WNT7B: variants seen among roughly 807,000 people sequenced by gnomAD.
WNT7B encodes protein Wnt-7b.
WNT7B carries 19 observed loss-of-function variants against 38.2 expected under a neutral mutation model. The observed-to-expected ratio is 0.50, with a 90% confidence interval of 0.35 to 0.73. The LOEUF is 0.73. Among genes scored for constraint, WNT7B ranks in the 30% least tolerant of loss-of-function variants. WNT7B has a pLI of 0.01. For synonymous variants in WNT7B, 243 were observed against 209.3 expected (o/e 1.16, Z -1.39); for missense variants, 423 against 507.9 (o/e 0.83, Z 1.61).
rs140863202 is a variant in WNT7B, at chr22:45,950,050, G to A, written c.168C>T (p.Pro56=). ...PRQRAICQSR[P]DAIIVIGEGA... The stretch of plus-strand genomic sequence containing the variant: ...CCTCCCCAATCACAATGATGGCATC[G>A]GGCCGACTCTGGCAGATGGCACGCT... The change falls in exon 2 of 4, where the codon CCC becomes CCT. Residue 56 remains proline (P), a synonymous_variant. Coordinates refer to ENST00000339464, the MANE Select transcript of WNT7B (RefSeq NM_058238.3). 722 of 1,614,018 alleles carry A rather than the reference G, an allele frequency of 4.5e-4. 2 individuals are homozygous for A. In the African/African-American group the frequency reaches 8.4e-3, roughly 19 times the overall value.
At chr22:45,946,144 C>T (rs1452218711) in intron 2 of WNT7B, among the ~76,000 whole-genome samples, 1 of 152,164 alleles carries the variant, frequency 6.6e-6, no homozygotes. Flanking sequence ...ATCTCCTATG[C>T]CTTCTGGACC....
chr22:45,972,363 C>A, intron 1 of WNT7B: 1 of 342,526 alleles, frequency 2.9e-6, no homozygotes, highest in Non-Finnish European at 5.2e-6. Context: ...GGGGCCGGGT[C>A]TCGTGGGCCC....
Position 45,951,602 on chromosome 22 carries a change from C to T in WNT7B, c.72-1456G>A, listed in dbSNP as rs1488234833. Among the ~76,000 whole-genome samples, 1 of 152,220 alleles carries T rather than the reference C, an allele frequency of 6.6e-6. No individual in the cohort carries two copies. Among genetic ancestry groups the T allele is most frequent in the African/African-American group, 2.4e-5 (1 of 41,454 alleles). The stretch of plus-strand genomic sequence containing the variant: ...TCTGCTTTCTGTTCCCATGGATTTG[C>T]CCATTCTGGATGTTTCCTATGGATG... On this transcript the variant is annotated intron_variant, in intron 1 of 3. Transcript: ENST00000339464. This position sits in a 1 kb window ranked among gnomAD's most constrained non-coding sequence, Gnocchi z 4.8.
At position 45,975,038 on chromosome 22, in the gene WNT7B, G is replaced by A. The variant is rs761278425; in HGVS notation, c.71+1646C>T. Among the ~76,000 whole-genome samples the A allele has an allele frequency of 1.3e-5, 2 of 152,144 alleles. No homozygotes were observed. Among genetic ancestry groups the A allele is most frequent in the Non-Finnish European group, 2.9e-5 (2 of 68,012 alleles). ...CGATGACTGAGGCAGAAGAATGGACGCTAGGAACAGCAGCCCACAGTGGGG... is the reference window on the plus strand; with the variant it reads ...CGATGACTGAGGCAGAAGAATGGACACTAGGAACAGCAGCCCACAGTGGGG... On this transcript the variant is annotated intron_variant, in intron 1 of 3. Coordinates refer to ENST00000339464, the MANE Select transcript of WNT7B (RefSeq NM_058238.3). This position sits in a 1 kb window ranked among gnomAD's most constrained non-coding sequence, Gnocchi z 6.6.
chr22:45,926,913 C>A (rs898575186), intron 3 of WNT7B: 13 of 985,462 alleles, frequency 1.3e-5, no homozygotes, highest in Non-Finnish European at 1.6e-5. Context: ...CCCAGCAGGA[C>A]GCTGTGGACC....
intron 2 of WNT7B, among the ~76,000 whole-genome samples, chr22:45,939,671 A>ACACACACACACACACACACAC (rs56044141): frequency 1.3e-5 from 2 of 151,486 alleles, no homozygotes; most frequent in African/African-American, 4.9e-5. Context: ...ACACACACAC[A>ACACACACACACACACACACAC]AAAATAGCCA....
rs781677556 is a variant in WNT7B at position 45,976,790 on chromosome 22, G to T, written c.-36C>A. 12 of 1,578,284 alleles carry T rather than the reference G, an allele frequency of 7.6e-6. No homozygotes were observed. The African/African-American group carries it at 1.1e-4, about 14-fold the overall frequency. ...GGGGGGCTGCGCCATAGACAGCGGCGGCCGGAGGGGACGCGCGGGCCCGGC... is the reference window on the plus strand; with the variant it reads ...GGGGGGCTGCGCCATAGACAGCGGCTGCCGGAGGGGACGCGCGGGCCCGGC... On this transcript the variant is annotated 5_prime_UTR_variant, in exon 1 of 4. Coordinates refer to ENST00000339464, the MANE Select transcript of WNT7B (RefSeq NM_058238.3). This position sits in a 1 kb window ranked among gnomAD's most constrained non-coding sequence, Gnocchi z 8.5.
intron 2 of WNT7B, among the ~76,000 whole-genome samples, chr22:45,932,924 G>A (rs1931412150): frequency 6.6e-6 from 1 of 152,242 alleles, no homozygotes; most frequent in East Asian, 1.9e-4. Context: ...TTGGGGCTGA[G>A]GTGACAGCCC....
chr22:45,972,409 C>T (rs954177429), intron 1 of WNT7B: 3 of 272,754 alleles, frequency 1.1e-5, no homozygotes, highest in East Asian at 6.5e-5. Flanking sequence ...CCGCTAGGGC[C>T]GCGCATGGCG....
chr22:45,948,976 G>A (rs1471405927), intron 2 of WNT7B, among the ~76,000 whole-genome samples: 1 of 151,740 alleles, frequency 6.6e-6, no homozygotes, highest in Non-Finnish European at 1.5e-5. Flanking sequence ...AGCCTCCCAA[G>A]TAGCTGGGAT....
chr22:45,931,462 T>G, intron 2 of WNT7B, 93 bp from the exon 3 acceptor site: 1 of 1,396,006 alleles, frequency 7.2e-7, no homozygotes, highest in Non-Finnish European at 9.5e-7. Context: ...CCACCTGCTG[T>G]TGGCTGGTTG....
At chr22:45,924,157 A>G (rs574436648) in intron 3 of WNT7B, among the ~76,000 whole-genome samples, 180 of 152,284 alleles carry the variant, frequency 1.2e-3, no homozygotes, top group African/African-American at 4.2e-3. Context: ...GGCTGCAGAG[A>G]GGCCATTTGT....
chr22:45,937,117 G>C (rs1931533060), intron 2 of WNT7B, among the ~76,000 whole-genome samples: 1 of 152,176 alleles, frequency 6.6e-6, no homozygotes, highest in African/African-American at 2.4e-5. Flanking sequence ...GAAGGCCCTT[G>C]GGGACCATCC....
At chr22:45,949,126 C>T (rs900905032) in intron 2 of WNT7B, among the ~76,000 whole-genome samples, 6 of 152,250 alleles carry the variant, frequency 3.9e-5, no homozygotes, top group Middle Eastern at 3.4e-3. Context: ...CCACCAGGTC[C>T]GGCCCAAAAG....
chr22:45,931,759 T>G (rs1601719721), intron 2 of WNT7B, among the ~76,000 whole-genome samples: 1 of 152,038 alleles, frequency 6.6e-6, no homozygotes, highest in East Asian at 1.9e-4. Flanking sequence ...GGGGGATGGG[T>G]GTCCATGCCT....
At position 45,921,378 on chromosome 22, in the gene WNT7B, G is replaced by C. The variant is rs141543789; in HGVS notation, c.*1478C>G. 3.9e-5 allele frequency: 6 copies of C among 152,518 alleles called. No homozygotes were observed. The highest frequency in any genetic ancestry group is 7.2e-5 in the African/African-American group (3 of 41,574). 9.4% of individuals were successfully genotyped at this position (152,518 alleles called of 1,614,324 possible). ...GTGCAGGCCCCAATGAGGCTGTCAGGGGGTGGAGGGAGCAGCCAAGTGCCT... is the reference window on the plus strand; with the variant it reads ...GTGCAGGCCCCAATGAGGCTGTCAGCGGGTGGAGGGAGCAGCCAAGTGCCT... On this transcript the variant is annotated 3_prime_UTR_variant, in exon 4 of 4. Coordinates refer to ENST00000339464, the MANE Select transcript of WNT7B (RefSeq NM_058238.3).
chr22:45,923,440 T>C (rs900924126), intron 3 of WNT7B, 105 bp from the exon 4 acceptor site: 51 of 1,455,594 alleles, frequency 3.5e-5, no homozygotes, highest in Non-Finnish European at 1.1e-5. Context: ...GCTCCTCCCC[T>C]TGGGCTGTGT....
At chr22:45,927,801 C>G (rs186485830) in intron 3 of WNT7B, among the ~76,000 whole-genome samples, 1 of 152,314 alleles carries the variant, frequency 6.6e-6, no homozygotes, top group Non-Finnish European at 1.5e-5. Flanking sequence ...GAGGCTGAGG[C>G]AGGAGAATTG....
Position 45,931,088 on chromosome 22 carries a change from C to T in WNT7B, c.570+10G>A, listed in dbSNP as rs776866320. The T allele has an allele frequency of 1.5e-5, 23 of 1,564,002 alleles. No homozygotes were observed. The highest frequency in any genetic ancestry group is 3.5e-5 in the Admixed American group (2 of 57,650). On this transcript the variant is annotated intron_variant, in intron 3 of 3. Transcript: ENST00000339464. ...AGCTACGGCCCCCACCAGCCGCACCCGCACCCTACCTTCCTGCCGGCCTCA... is the reference window on the plus strand; with the variant it reads ...AGCTACGGCCCCCACCAGCCGCACCTGCACCCTACCTTCCTGCCGGCCTCA...
Sources: gnomAD v4.1 joint callset for allele counts (sites outside exome capture counted in the v4.1 genomes callset) on GRCh38, gnomAD v4.1.1 for gene constraint, Gnocchi (gnomAD v3.1) non-coding constraint, MANE v1.5 for transcripts, NCBI Gene and HGNC (gene_info 2026-07-23, HGNC 2026-07-21) for gene names.